GALNT16: variants seen among roughly 807,000 people sequenced by gnomAD.
GALNT16 encodes the protein polypeptide N-acetylgalactosaminyltransferase 16, also known as UDP-GalNAc:polypeptide N-acetylgalactosaminyltransferase-like protein 1.
A neutral mutation model predicts 76.1 loss-of-function variants in GALNT16; 40 were observed. The ratio of observed to expected loss-of-function variants is 0.53; its 90% CI spans 0.41 to 0.68. GALNT16 has a LOEUF of 0.68. GALNT16 is among the 30% of genes least tolerant of loss of function. The pLI is 0.00. For missense variants in GALNT16, 621 were observed against 731.9 expected, an observed-to-expected ratio of 0.85 and a Z score of 1.75; for synonymous variants, 276 against 285.2, an observed-to-expected ratio of 0.97 and a Z score of 0.32.
In GALNT16 at chr14:69,328,336, A is replaced by G. The variant is rs558124889; in HGVS notation, c.569-114A>G. The stretch of plus-strand genomic sequence containing the variant: ...AAGTATAAAGTCAAATCTAATCACA[A>G]TAACTCAGGAAGCCTCAGCCCCTGA... On this transcript the variant is annotated intron_variant, in intron 5 of 14. Transcript: ENST00000448469. The G allele has an allele frequency of 1.1e-5, 12 of 1,100,000 alleles. No homozygotes were observed. The African/African-American group carries it at 1.4e-4, about 13-fold the overall frequency. The allele number at this position is 1,100,000 out of a possible 1,614,324, so 68.1% of individuals were successfully genotyped here.
downstream of GALNT16, chr14:69,355,033 A>G (rs1423176554): frequency 1.3e-5 from 2 of 152,246 alleles, no homozygotes; most frequent in Non-Finnish European, 2.9e-5. Context: ...GCTCTGCCTA[A>G]TGTTCCCATG....
At chr14:69,365,879 A>G in the GALNT16 span, among the ~76,000 whole-genome samples, 1 of 152,230 alleles carries the variant, frequency 6.6e-6, no homozygotes, top group Non-Finnish European at 1.5e-5. Context: ...CAGGCGACAC[A>G]GCAGTAGACA....
chr14:69,348,491 A>C, intron 14 of GALNT16: 1 of 181,136 alleles, frequency 5.5e-6, no homozygotes, highest in Non-Finnish European at 1.1e-5. Context: ...GCTGGGATTC[A>C]AACCCAGGTC....
the GALNT16 span, among the ~76,000 whole-genome samples, chr14:69,368,225 G>T: frequency 6.6e-6 from 1 of 152,106 alleles, no homozygotes. Flanking sequence ...GACTCTATTA[G>T]CTACCTATTG....
chr14:69,372,491 C>CGTTTT, the GALNT16 span, among the ~76,000 whole-genome samples: 1 of 103,752 alleles, frequency 9.6e-6, no homozygotes. Context: ...GATCATTAGC[C>CGTTTT]TTTTTTTTTT....
At position 69,260,464 on chromosome 14, in the gene GALNT16, C is replaced by T; in HGVS notation, c.174C>T (p.Leu58=). 3 of 1,485,874 alleles carry T rather than the reference C, an allele frequency of 2.0e-6. No homozygotes were observed. The highest frequency in any genetic ancestry group is 2.7e-6 in the Non-Finnish European group (3 of 1,119,218). The allele number at this position is 1,485,874 out of a possible 1,614,324, so 92.0% of individuals were successfully genotyped here. A position where few individuals can be genotyped will look rare whatever the true frequency, so the allele number is the denominator to read the frequency against. ...TCCGCGAGGACCGCACCATCCCGCT[C>T]ATTGTGAGTACGCCCCGAGCGTCGG... is the stretch of plus-strand genomic sequence containing the variant. The part of the protein sequence containing the change: ...EQLREDRTIP[L]IVTGTPSKGF... The change falls in exon 1 of 15, where the codon CTC becomes CTT. Residue 58 remains leucine (L), a synonymous_variant. Transcript: ENST00000448469.
chr14:69,364,088 A>G, the GALNT16 span, among the ~76,000 whole-genome samples: 11 of 152,200 alleles, frequency 7.2e-5, no homozygotes, highest in African/African-American at 2.7e-4. The surrounding 1 kb of genome is among the most constrained non-coding windows in gnomAD (Gnocchi z 4.2). Flanking sequence ...TGCACCTAGT[A>G]TAGTACCCCG....
At chr14:69,381,560 G>A in the GALNT16 span, among the ~76,000 whole-genome samples, 1 of 152,086 alleles carries the variant, frequency 6.6e-6, no homozygotes, top group East Asian at 1.9e-4. Flanking sequence ...ACTCCAATGG[G>A]ACTGTGAGTA....
Position 69,308,040 on chromosome 14 carries a change from C to G in GALNT16, c.178-12671C>G, listed in dbSNP as rs796149492. 4.6e-5 allele frequency among the ~76,000 whole-genome samples: 7 copies of G among 152,328 alleles called. No homozygotes were observed. In the East Asian group the frequency reaches 9.6e-4, roughly 21 times the overall value. ...CGACTCTGCAATTCAGCCTCCACAT[C>G]TTGCTCCTCTCCCTCCTCCACTTTC... On this transcript the variant is annotated intron_variant, in intron 1 of 14. Transcript: ENST00000448469.
chr14:69,372,233 G>A, the GALNT16 span, among the ~76,000 whole-genome samples: 6 of 152,196 alleles, frequency 3.9e-5, no homozygotes, highest in East Asian at 1.2e-3. Flanking sequence ...TGATGGGCAG[G>A]GGGAGGTGAG....
the GALNT16 span, among the ~76,000 whole-genome samples, chr14:69,367,456 C>T: frequency 6.6e-6 from 1 of 151,854 alleles, no homozygotes; most frequent in African/African-American, 2.4e-5. Flanking sequence ...CAACCTGCAA[C>T]CTGGAAGACT....
chr14:69,347,958 T>A lies in GALNT16; in HGVS notation c.1495T>A (p.Ser499Thr), dbSNP rs1050405835. ...ATSTLMSSPG[S>T]PVILQMCNPR... ...CTCCACCTTAATGTCCTCCCCTGGA[T>A]CCCCAGTCATACTGCAGATGTGCAA... Residue 499 changes from serine (S) to threonine (T), a missense_variant, in exon 14 of 15, where the codon TCC becomes ACC. Physicochemically the swap from Ser to Thr is moderately conservative, Grantham distance 58 (BLOSUM62 1). Transcript: ENST00000448469. 6.2e-7 allele frequency: 1 copy of A among 1,614,040 alleles called. No homozygotes were observed.
chr14:69,356,554 C>CTTTTTTTTTTTTTTTGTTTTTTTTTT (rs2045694603), downstream of GALNT16: 1 of 117,330 alleles, frequency 8.5e-6, no homozygotes, highest in Non-Finnish European at 1.7e-5. Flanking sequence ...GCTGTGAGCT[C>CTTTTTTTTTTTTTTTGTTTTTTTTTT]TTTTTTTTTT....
intron 1 of GALNT16, among the ~76,000 whole-genome samples, chr14:69,282,815 C>T (rs1271388062): frequency 6.6e-6 from 1 of 152,098 alleles, no homozygotes; most frequent in Non-Finnish European, 1.5e-5. Context: ...TACAGGTACA[C>T]ACCACCAACC....
intron 1 of GALNT16, 44 bp from the exon 2 acceptor site, chr14:69,320,667 G>T (rs772065284): frequency 2.5e-6 from 4 of 1,582,626 alleles, no homozygotes; most frequent in Non-Finnish European, 1.7e-6. Flanking sequence ...AAGCAGTGGG[G>T]TCCTCCTGCC....
At chr14:69,356,608 A>T (rs1208999743), downstream of GALNT16, 2 of 128,854 alleles carry the variant, frequency 1.6e-5, no homozygotes, top group African/African-American at 3.2e-5. Flanking sequence ...CAGGCTGGAG[A>T]GCAGTGGCAT....
intron 6 of GALNT16, among the ~76,000 whole-genome samples, chr14:69,328,953 G>T (rs1343514723): frequency 6.6e-6 from 1 of 152,214 alleles, no homozygotes; most frequent in Non-Finnish European, 1.5e-5. Flanking sequence ...GGGTAGGAGG[G>T]CCCCTGCCAC....
chr14:69,339,243 A>T (rs2045453373), intron 10 of GALNT16, among the ~76,000 whole-genome samples: 1 of 152,170 alleles, frequency 6.6e-6, no homozygotes, highest in Non-Finnish European at 1.5e-5. Context: ...GGGACTTGTC[A>T]TGAGCACCCT....
chr14:69,286,041 G>T (rs2044606645), intron 1 of GALNT16, among the ~76,000 whole-genome samples: 2 of 152,232 alleles, frequency 1.3e-5, no homozygotes, highest in Non-Finnish European at 1.5e-5. Context: ...AGAGGTTAAA[G>T]ATCACTCTTT....
Sources: allele counts gnomAD v4.1 joint callset (sites outside exome capture counted in the v4.1 genomes callset), GRCh38; gene constraint gnomAD v4.1.1; non-coding constraint Gnocchi (gnomAD v3.1); transcripts MANE v1.5; gene names NCBI Gene and HGNC (gene_info 2026-07-23, HGNC 2026-07-21).